NBEA: variants seen among roughly 807,000 people sequenced by gnomAD.
The protein encoded by NBEA is neurobeachin.
In NBEA, 44 loss-of-function variants were observed where a neutral mutation model predicts 343.4. The observed-to-expected ratio is 0.13, with a 90% confidence interval of 0.10 to 0.16. The LOEUF (loss-of-function observed/expected upper bound fraction) is 0.16, where lower values mean the gene tolerates loss of function less well. Ranked by LOEUF, NBEA falls within the 10% of genes least tolerant of loss-of-function variation. The probability of loss-of-function intolerance (pLI) is 1.00; values close to 1 mark genes in which losing one functional copy is unlikely to be tolerated. For missense variants in NBEA, 2,555 were observed against 3,631.3 expected (o/e 0.70, Z 7.62); for synonymous variants, 1,175 against 1,238.7 (o/e 0.95, Z 1.08).
intron 34 of NBEA, among the ~76,000 whole-genome samples, chr13:35,270,726 T>A (rs1365299318): frequency 5.3e-5 from 8 of 152,166 alleles, no homozygotes. Flanking sequence ...TGCTAGCTGC[T>A]AGCACAGCAG....
chr13:35,364,877 A>C (rs1275748249), intron 38 of NBEA, among the ~76,000 whole-genome samples: 1 of 151,808 alleles, frequency 6.6e-6, no homozygotes, highest in Non-Finnish European at 1.5e-5. Context: ...CTTAAAACAA[A>C]ATATAATGCA....
At chr13:34,976,124 G>A (rs2060165708) in intron 1 of NBEA, among the ~76,000 whole-genome samples, 1 of 152,140 alleles carries the variant, frequency 6.6e-6, no homozygotes, top group Non-Finnish European at 1.5e-5. Context: ...ACTTGCACAT[G>A]TATGTTTATA....
intron 10 of NBEA, among the ~76,000 whole-genome samples, chr13:35,090,142 G>T (rs1261891793): frequency 6.6e-6 from 1 of 151,854 alleles, no homozygotes. Flanking sequence ...AATTAGCCAT[G>T]AGACCTTAGT....
At chr13:35,233,798 G>A (rs574059175) in intron 34 of NBEA, among the ~76,000 whole-genome samples, 1 of 152,210 alleles carries the variant, frequency 6.6e-6, no homozygotes, top group East Asian at 1.9e-4. Context: ...AAATTACATA[G>A]CATGCTAGAA....
intron 34 of NBEA, among the ~76,000 whole-genome samples, chr13:35,286,146 T>G (rs1594080128): frequency 6.6e-6 from 1 of 152,286 alleles, no homozygotes; most frequent in East Asian, 1.9e-4. Context: ...ATCATGATTA[T>G]TTGCTTATAT....
intron 35 of NBEA, 110 bp from the exon 36 acceptor site, chr13:35,309,418 G>T: frequency 1.6e-6 from 1 of 633,278 alleles, no homozygotes; most frequent in Non-Finnish European, 2.8e-6. Context: ...AAGACATTTG[G>T]AAATAATATA....
At chr13:35,389,520 C>A (rs977147105) in intron 38 of NBEA, among the ~76,000 whole-genome samples, 8 of 151,828 alleles carry the variant, frequency 5.3e-5, no homozygotes, top group Non-Finnish European at 1.2e-4. Context: ...TGCTAAAATA[C>A]CTCAATCCAA....
chr13:35,154,137 G>A (rs1466568951), intron 18 of NBEA, among the ~76,000 whole-genome samples: 1 of 152,144 alleles, frequency 6.6e-6, no homozygotes, highest in African/African-American at 2.4e-5. Flanking sequence ...CTTTAATAAA[G>A]TAGGTCAGTT....
chr13:35,183,497 G>A (rs2071459527), intron 29 of NBEA, among the ~76,000 whole-genome samples: 1 of 151,934 alleles, frequency 6.6e-6, no homozygotes, highest in Non-Finnish European at 1.5e-5. Context: ...TATGGATTAT[G>A]TTTTAGCTAC....
chr13:35,510,815 G>A lies in NBEA; in HGVS notation c.6585+38279G>A, dbSNP rs976562451. ...GTGGAGAAAACTAGAGTTTGAGAAA[G>A]TCCAGTAAGATTTATTAACTTATCT... On this transcript the variant is annotated intron_variant, in intron 41 of 58. Coordinates refer to ENST00000379939, the MANE Select transcript of NBEA (RefSeq NM_001385012.1). Among the ~76,000 whole-genome samples the A allele has an allele frequency of 2.3e-4, 35 of 152,226 alleles. 1 individual carries two copies. In the East Asian group the frequency reaches 6.8e-3, roughly 29 times the overall value.
At chr13:35,148,589 T>TA (rs2068580775) in intron 18 of NBEA, among the ~76,000 whole-genome samples, 1 of 152,192 alleles carries the variant, frequency 6.6e-6, no homozygotes, top group South Asian at 2.1e-4. Context: ...AAATACTGAT[T>TA]AATACTTAAG....
chr13:35,022,530 T>A (rs2061880262), intron 1 of NBEA, among the ~76,000 whole-genome samples: 1 of 152,156 alleles, frequency 6.6e-6, no homozygotes, highest in Non-Finnish European at 1.5e-5. Flanking sequence ...ATGTTTATTA[T>A]GTTCATGTGT....
rs148502748 is a variant in NBEA at position 35,295,401 on chromosome 13, C to T, written c.5838+4951C>T. ...AGAAATCCCTGCCTTTTTCTCTAGACGGTGGGTGACCCCACCTCTTATCTG... is the reference window on the plus strand; with the variant it reads ...AGAAATCCCTGCCTTTTTCTCTAGATGGTGGGTGACCCCACCTCTTATCTG... On this transcript the variant is annotated intron_variant, in intron 35 of 58. Coordinates refer to ENST00000379939, the MANE Select transcript of NBEA (RefSeq NM_001385012.1). Among the ~76,000 whole-genome samples, 111 of 151,964 alleles carry T rather than the reference C, an allele frequency of 7.3e-4. No individual in the cohort carries two copies. In the South Asian group the frequency reaches 9.1e-3, roughly 12 times the overall value.
intron 34 of NBEA, among the ~76,000 whole-genome samples, chr13:35,288,317 A>G (rs911306853): frequency 1.3e-5 from 2 of 151,866 alleles, no homozygotes; most frequent in South Asian, 2.1e-4. Flanking sequence ...AGGTCTTTCA[A>G]ATTTGCCTCT....
chr13:35,279,799 C>T (rs903449748), intron 34 of NBEA, among the ~76,000 whole-genome samples: 4 of 151,954 alleles, frequency 2.6e-5, no homozygotes, highest in Non-Finnish European at 4.4e-5. Flanking sequence ...AATTAGGTAG[C>T]GTTACCACAA....
At chr13:35,627,353 T>A (rs1378385758) in intron 48 of NBEA, among the ~76,000 whole-genome samples, 1 of 152,206 alleles carries the variant, frequency 6.6e-6, no homozygotes, top group African/African-American at 2.4e-5. Context: ...CATCACTACT[T>A]ATTTCACGGA....
intron 41 of NBEA, among the ~76,000 whole-genome samples, chr13:35,493,695 C>A (rs912681673): frequency 6.6e-6 from 1 of 151,896 alleles, no homozygotes; most frequent in Non-Finnish European, 1.5e-5. Flanking sequence ...ATAGAATATA[C>A]AATCTTTATT....
chr13:35,333,222 T>C (rs548073779), intron 36 of NBEA, among the ~76,000 whole-genome samples: 9 of 151,888 alleles, frequency 5.9e-5, no homozygotes, highest in African/African-American at 2.2e-4. Flanking sequence ...GTTAGAATTG[T>C]GAAATAAAAT....
chr13:35,076,896 A>G (rs749375194), intron 10 of NBEA, among the ~76,000 whole-genome samples: 39 of 152,014 alleles, frequency 2.6e-4, no homozygotes, highest in Non-Finnish European at 3.7e-4. Context: ...TGATTTTATG[A>G]CAGTCGTGCA....
Sources: allele counts gnomAD v4.1 joint callset (sites outside exome capture counted in the v4.1 genomes callset), GRCh38; gene constraint gnomAD v4.1.1; transcripts MANE v1.5; gene names NCBI Gene and HGNC (gene_info 2026-07-23, HGNC 2026-07-21).